The following SNTG2 variants were observed in gnomAD, a reference collection of about 807,000 sequenced individuals.
SNTG2 encodes gamma-2-syntrophin.
A neutral mutation model predicts 70.9 loss-of-function variants in SNTG2; 74 were observed. The ratio of observed to expected loss-of-function variants is 1.04; its 90% CI spans 0.86 to 1.27. The LOEUF is 1.27. Among genes scored for constraint, SNTG2 ranks in the 50% most tolerant of loss-of-function variants. The pLI, the probability that SNTG2 is intolerant of heterozygous loss-of-function variation, is 0.00. For missense variants in SNTG2, 717 were observed against 690.7 expected (o/e 1.04, Z -0.43); for synonymous variants, 278 against 273.8 (o/e 1.02, Z -0.15).
Position 959,290 on chromosome 2 carries a change from T to C in SNTG2, c.72+8222T>C, listed in dbSNP as rs143530041. The stretch of plus-strand genomic sequence containing the variant: ...GTAAGCGCTGGGATGTAAATATTCT[T>C]TTATGCAACTCTTCCTTATTGAATT... On this transcript the variant is annotated intron_variant, in intron 1 of 16. Transcript: ENST00000308624. Among the ~76,000 whole-genome samples the C allele has an allele frequency of 6.3e-3, 955 of 152,326 alleles. 13 individuals carry two copies. The highest frequency in any genetic ancestry group is 0.022 in the African/African-American group (913 of 41,576).
At position 1,238,036 on chromosome 2, in the gene SNTG2, TGA is replaced by T; in HGVS notation, c.849+21_849+22del. Reference sequence around the variant, plus strand: ...TCAGAACGTGAGCACACGGTGTTTCTGAGTCTCTGCTGATGCTCATTCGTGCA... The same window carrying T: ...TCAGAACGTGAGCACACGGTGTTTCTGTCTCTGCTGATGCTCATTCGTGCA... On this transcript the variant is annotated intron_variant, in intron 10 of 16. Transcript: ENST00000308624. The T allele has an allele frequency of 6.2e-7, 1 of 1,601,960 alleles. No individual in the cohort carries two copies. Among genetic ancestry groups the T allele is most frequent in the Admixed American group, 1.7e-5 (1 of 59,286 alleles).
chr2:1,135,080 C>T (rs939067873), intron 4 of SNTG2, among the ~76,000 whole-genome samples: 22 of 152,318 alleles, frequency 1.4e-4, no homozygotes, highest in African/African-American at 4.6e-4. Context: ...ATGGGCTCAG[C>T]ACTGCCCTAT....
chr2:1,244,683 G>A (rs1331377134), intron 11 of SNTG2, among the ~76,000 whole-genome samples: 7 of 125,702 alleles, frequency 5.6e-5, no homozygotes, highest in Admixed American at 3.4e-4. Context: ...GTGACAGAGC[G>A]AGACTCCATC....
At chr2:1,257,290 T>C (rs1678174845) in intron 12 of SNTG2, among the ~76,000 whole-genome samples, 1 of 152,194 alleles carries the variant, frequency 6.6e-6, no homozygotes, top group African/African-American at 2.4e-5. Context: ...ATCAATCATG[T>C]TGGCGAAGAT....
intron 8 of SNTG2, among the ~76,000 whole-genome samples, chr2:1,204,200 ACT>A (rs1430360025): frequency 1.3e-5 from 2 of 152,064 alleles, no homozygotes; most frequent in African/African-American, 4.8e-5. Flanking sequence ...AGGTAGAAAT[ACT>A]CTGTTTCATA....
chr2:1,132,439 C>T (rs1668086104), intron 4 of SNTG2, among the ~76,000 whole-genome samples: 1 of 152,186 alleles, frequency 6.6e-6, no homozygotes, highest in African/African-American at 2.4e-5. Context: ...CCCAGCTGCT[C>T]TTGTTTCGAC....
At chr2:1,160,111 A>G (rs1391503153) in intron 6 of SNTG2, 1 of 152,232 alleles carries the variant, frequency 6.6e-6, no homozygotes, top group Admixed American at 6.5e-5. Flanking sequence ...AATGGGATAC[A>G]TGGTGTACAT....
At chr2:964,022 C>A (rs1368875750) in intron 1 of SNTG2, among the ~76,000 whole-genome samples, 1 of 152,130 alleles carries the variant, frequency 6.6e-6, no homozygotes, top group African/African-American at 2.4e-5. Context: ...GCTCAGCGAT[C>A]CACGCAGTCA....
intron 9 of SNTG2, among the ~76,000 whole-genome samples, chr2:1,226,865 G>C (rs1483835542): frequency 6.6e-6 from 1 of 152,170 alleles, no homozygotes; most frequent in Non-Finnish European, 1.5e-5. Flanking sequence ...ATTTTTAACA[G>C]TAACTTCACT....
At chr2:983,546 G>T (rs745743358) in intron 1 of SNTG2, among the ~76,000 whole-genome samples, 1 of 152,170 alleles carries the variant, frequency 6.6e-6, no homozygotes, top group Non-Finnish European at 1.5e-5. Flanking sequence ...CTAACCCTCC[G>T]AAATAGTCAC....
chr2:1,004,979 C>T (rs1317288664), intron 1 of SNTG2, among the ~76,000 whole-genome samples: 1 of 152,134 alleles, frequency 6.6e-6, no homozygotes, highest in Non-Finnish European at 1.5e-5. Context: ...TATGGTTCAT[C>T]CAGTCACTGT....
At chr2:1,361,215 G>A (rs1661123772) in intron 16 of SNTG2, among the ~76,000 whole-genome samples, 1 of 152,172 alleles carries the variant, frequency 6.6e-6, no homozygotes, top group African/African-American at 2.4e-5. Context: ...ATTTGTTACA[G>A]CCTGTGACAT....
chr2:1,160,866 GAGGA>G (rs1670227323), intron 6 of SNTG2: 1 of 152,282 alleles, frequency 6.6e-6, no homozygotes, highest in Non-Finnish European at 1.5e-5. Flanking sequence ...CTGGAATTCC[GAGGA>G]AGGAACCTCT....
chr2:1,336,035 A>G (rs984298463), intron 16 of SNTG2, among the ~76,000 whole-genome samples: 1 of 152,200 alleles, frequency 6.6e-6, no homozygotes, highest in Admixed American at 6.5e-5. Flanking sequence ...TGGAAGTCAA[A>G]ATAATATTAG....
chr2:1,220,157 G>A (rs959263746), intron 9 of SNTG2: 3 of 152,332 alleles, frequency 2.0e-5, no homozygotes, highest in Admixed American at 6.5e-5. Context: ...CTCCTTACCC[G>A]GGCTTCCAGG....
chr2:951,363 G>C (rs1332428497), intron 1 of SNTG2, among the ~76,000 whole-genome samples: 1 of 152,228 alleles, frequency 6.6e-6, no homozygotes, highest in African/African-American at 2.4e-5. Context: ...TTACTGCGTG[G>C]GAAGTAGTGC....
intron 4 of SNTG2, among the ~76,000 whole-genome samples, chr2:1,117,024 GGTGTGTGAGT>G (rs1667056280): frequency 7.1e-6 from 1 of 141,364 alleles, no homozygotes; most frequent in African/African-American, 2.7e-5. Context: ...TGGGTGCTCT[GGTGTGTGAGT>G]GCCCTGGTGT....
At chr2:1,195,318 G>C (rs1306788737) in intron 8 of SNTG2, among the ~76,000 whole-genome samples, 1 of 151,930 alleles carries the variant, frequency 6.6e-6, no homozygotes, top group Admixed American at 6.5e-5. Flanking sequence ...CTTCACAATG[G>C]TTGAACTAAT....
At chr2:1,094,219 A>G (rs1261948571) in intron 2 of SNTG2, among the ~76,000 whole-genome samples, 30 of 97,250 alleles carry the variant, frequency 3.1e-4, no homozygotes, top group Non-Finnish European at 4.9e-4. Flanking sequence ...GTGTCCTCAT[A>G]TGGTAGAGTT....
Sources: gnomAD v4.1 joint callset for allele counts (sites outside exome capture counted in the v4.1 genomes callset) on GRCh38, gnomAD v4.1.1 for gene constraint, MANE v1.5 for transcripts, NCBI Gene and HGNC (gene_info 2026-07-23, HGNC 2026-07-21) for gene names.